FTO: variants seen among roughly 807,000 people sequenced by gnomAD.
FTO encodes alpha-ketoglutarate-dependent dioxygenase FTO.
A neutral mutation model predicts 63.9 loss-of-function variants in FTO; 47 were observed. The observed-to-expected ratio is 0.74, with a 90% CI of 0.58 to 0.94. The LOEUF is 0.94. Among genes scored for constraint, FTO ranks in the 40% least tolerant of loss-of-function variants. FTO has a pLI of 0.00. For missense variants in FTO, 562 were observed against 618.1 expected (o/e 0.91, Z 0.96); for synonymous variants, 207 against 224.4 (o/e 0.92, Z 0.69).
chr16:54,066,862 C>T (rs1259714563), intron 8 of FTO, among the ~76,000 whole-genome samples: 1 of 152,220 alleles, frequency 6.6e-6, no homozygotes, highest in Non-Finnish European at 1.5e-5. Flanking sequence ...ATCTCTGCAG[C>T]CCCAGCTTGG....
At chr16:54,060,396 T>C (rs2085541675) in intron 8 of FTO, among the ~76,000 whole-genome samples, 2 of 152,218 alleles carry the variant, frequency 1.3e-5, no homozygotes, top group Non-Finnish European at 2.9e-5. Context: ...GTTAACTCTC[T>C]GCCAAGAATC....
intron 1 of FTO, among the ~76,000 whole-genome samples, chr16:53,752,571 T>C (rs2076824177): frequency 6.6e-6 from 1 of 152,236 alleles, no homozygotes; most frequent in Non-Finnish European, 1.5e-5. Flanking sequence ...AGTTGACTCC[T>C]AGACTATATC....
intron 8 of FTO, among the ~76,000 whole-genome samples, chr16:53,961,276 T>TG (rs1430134600): frequency 9.2e-5 from 14 of 152,290 alleles, no homozygotes; most frequent in African/African-American, 3.4e-4. Flanking sequence ...TGTCGCAGGC[T>TG]GCCCTCACTT....
intron 1 of FTO, among the ~76,000 whole-genome samples, chr16:53,750,560 A>T (rs2076764028): frequency 6.6e-6 from 1 of 152,172 alleles, no homozygotes. Context: ...TTAAATTTTT[A>T]AAAGATTATA....
intron 1 of FTO, among the ~76,000 whole-genome samples, chr16:53,785,949 T>C (rs901198613): frequency 7.2e-6 from 1 of 139,490 alleles, no homozygotes; most frequent in Non-Finnish European, 1.6e-5. Flanking sequence ...TGATAAAGAG[T>C]GTGGATTTTA....
At chr16:53,919,259 A>C (rs182074555) in intron 7 of FTO, among the ~76,000 whole-genome samples, 302 of 152,256 alleles carry the variant, frequency 2.0e-3, no homozygotes, top group Non-Finnish European at 3.6e-3. Context: ...GGCATATAGA[A>C]AGCACCCAAT....
rs36010057 is a variant in FTO at position 53,883,622 on chromosome 16, C to CAAAAAAAAAAAAAAA, written c.1119+3648_1119+3649insAAAAAAAAAAAAAAA. Among the ~76,000 whole-genome samples the CAAAAAAAAAAAAAAA allele has an allele frequency of 6.7e-5, 4 of 59,378 alleles. 1 individual carries two copies. Among genetic ancestry groups the CAAAAAAAAAAAAAAA allele is most frequent in the African/African-American group, 3.3e-4 (4 of 11,950 alleles). The allele number at this position is 59,378 out of a possible 152,430, so 39.0% of individuals were successfully genotyped here. A position where few individuals can be genotyped will look rare whatever the true frequency, so the allele number is the denominator to read the frequency against. ...GGGCAACAAGGGCGAAACTCTATCT[C>CAAAAAAAAAAAAAAA]AAAAAAAAAAAAACAAAAAAAAAAA... On this transcript the variant is annotated intron_variant, in intron 6 of 8. Transcript: ENST00000471389.
At chr16:53,792,070 C>G (rs1050326986) in intron 1 of FTO, among the ~76,000 whole-genome samples, 4 of 106,692 alleles carry the variant, frequency 3.7e-5, no homozygotes, top group Non-Finnish European at 7.3e-5. Context: ...AGCGAGACTT[C>G]GTCTCAAAAA....
intron 4 of FTO, among the ~76,000 whole-genome samples, chr16:53,848,782 C>A (rs1409054382): frequency 6.6e-6 from 1 of 152,024 alleles, no homozygotes; most frequent in Non-Finnish European, 1.5e-5. Flanking sequence ...GTTTATTAAC[C>A]AGGAGCTGGG....
At chr16:53,860,271 A>T (rs905208836) in intron 4 of FTO, among the ~76,000 whole-genome samples, 1 of 152,244 alleles carries the variant, frequency 6.6e-6, no homozygotes, top group Non-Finnish European at 1.5e-5. Context: ...TAACAATGTT[A>T]TACTCATAAA....
At chr16:53,995,666 A>C (rs16952751) in intron 8 of FTO, among the ~76,000 whole-genome samples, 13,119 of 152,252 alleles carry the variant, frequency 0.086, 907 homozygotes, top group African/African-American at 0.19. Context: ...AGAGATGACC[A>C]TGTATATGAA....
rs2086983550 is a variant in FTO, at chr16:54,117,911, T to C, written c.*5996T>C. ...CCAGCATTAGATTCAGTGATTCTTT[T>C]CCAATGATGCAGTTCATGACTTTGC... On this transcript the variant is annotated 3_prime_UTR_variant, in exon 9 of 9. Coordinates refer to ENST00000471389, the MANE Select transcript of FTO (RefSeq NM_001080432.3). The C allele has an allele frequency of 6.6e-6, 1 of 152,248 alleles. No homozygotes were observed. Among genetic ancestry groups the C allele is most frequent in the Non-Finnish European group, 1.5e-5 (1 of 68,044 alleles). 9.4% of individuals were successfully genotyped at this position (152,248 alleles called of 1,614,324 possible). A position where few individuals can be genotyped will look rare whatever the true frequency, so the allele number is the denominator to read the frequency against.
At chr16:53,876,175 C>G (rs1485461961) in intron 5 of FTO, among the ~76,000 whole-genome samples, 3 of 152,058 alleles carry the variant, frequency 2.0e-5, no homozygotes, top group Non-Finnish European at 4.4e-5. Flanking sequence ...CCAACCAGCC[C>G]CTCATTCCCA....
At chr16:54,086,277 A>G (rs375680750) in intron 8 of FTO, among the ~76,000 whole-genome samples, 2 of 152,226 alleles carry the variant, frequency 1.3e-5, no homozygotes, top group East Asian at 1.9e-4. Flanking sequence ...CCATGTATCC[A>G]GCCACAGAAA....
At chr16:54,002,726 G>A (rs1247045829) in intron 8 of FTO, among the ~76,000 whole-genome samples, 4 of 152,178 alleles carry the variant, frequency 2.6e-5, no homozygotes, top group Middle Eastern at 3.2e-3. Flanking sequence ...AAGTGCTGTC[G>A]TAGAAACTTG....
At chr16:53,993,315 G>A (rs1163225998) in intron 8 of FTO, 2 of 152,148 alleles carry the variant, frequency 1.3e-5, no homozygotes, top group African/African-American at 4.8e-5. Context: ...TTAAAAATAA[G>A]TGGCCATACT....
intron 7 of FTO, among the ~76,000 whole-genome samples, chr16:53,901,428 T>G (rs1009974589): frequency 6.6e-6 from 1 of 152,226 alleles, no homozygotes; most frequent in Admixed American, 6.5e-5. Context: ...TCTTGTGAAC[T>G]CAATACTTGC....
intron 2 of FTO, among the ~76,000 whole-genome samples, chr16:53,823,765 A>G (rs536146777): frequency 6.6e-6 from 1 of 152,278 alleles, no homozygotes; most frequent in Non-Finnish European, 1.5e-5. Context: ...GCATGCCTGT[A>G]ATCTCAGCTA....
rs1173602936 is a variant in FTO, at chr16:54,115,390, A to C, written c.*3475A>C. 1 of 152,228 alleles carries C rather than the reference A, an allele frequency of 6.6e-6. No homozygotes were observed. The allele number at this position is 152,228 out of a possible 1,614,324, so 9.4% of individuals were successfully genotyped here. On this transcript the variant is annotated 3_prime_UTR_variant, in exon 9 of 9. Coordinates refer to ENST00000471389, the MANE Select transcript of FTO (RefSeq NM_001080432.3). ...GATGCCCTGGGATATGTAGTCACCA[A>C]AATAGGAACTTACCCCATAGTGGGG...
Sources: allele counts gnomAD v4.1 joint callset (sites outside exome capture counted in the v4.1 genomes callset), GRCh38; gene constraint gnomAD v4.1.1; transcripts MANE v1.5; gene names NCBI Gene and HGNC (gene_info 2026-07-23, HGNC 2026-07-21).